SLC9B1: variants seen among roughly 807,000 people sequenced by gnomAD.
The protein encoded by SLC9B1 is solute carrier family 9 member B1.
A neutral mutation model predicts 51.7 loss-of-function variants in SLC9B1; 32 were observed. The observed-to-expected ratio is 0.62, with a 90% confidence interval of 0.47 to 0.83. The LOEUF (loss-of-function observed/expected upper bound fraction) is 0.83, where lower values mean the gene tolerates loss of function less well. SLC9B1 is among the 40% of genes least tolerant of loss of function. The pLI, the probability that SLC9B1 is intolerant of heterozygous loss-of-function variation, is 0.00. For missense variants in SLC9B1, 406 were observed against 613.2 expected, an observed-to-expected ratio of 0.66 and a Z score of 3.57; for synonymous variants, 145 against 212.7, an observed-to-expected ratio of 0.68 and a Z score of 2.77.
chr4:102,975,297 C>T (rs1418644421), intron 3 of SLC9B1, among the ~76,000 whole-genome samples: 3 of 152,184 alleles, frequency 2.0e-5, no homozygotes, highest in South Asian at 2.1e-4. Flanking sequence ...GCATCAGCCA[C>T]GGCACCTGGC....
intron 1 of SLC9B1, among the ~76,000 whole-genome samples, chr4:103,010,485 T>G (rs191856845): frequency 6.6e-6 from 1 of 152,188 alleles, no homozygotes; most frequent in East Asian, 1.9e-4. Flanking sequence ...ATTCAAACCA[T>G]AGTAGTGTCT....
chr4:102,906,720 C>CA, intron 9 of SLC9B1, 76 bp from the exon 10 acceptor site: 1 of 456,674 alleles, frequency 2.2e-6, no homozygotes, highest in Non-Finnish European at 3.4e-6. Context: ...CTTCCCCCCC[C>CA]TTTTTTTTTT....
intron 7 of SLC9B1, among the ~76,000 whole-genome samples, chr4:102,916,859 G>A (rs1735600482): frequency 6.6e-6 from 1 of 152,206 alleles, no homozygotes; most frequent in African/African-American, 2.4e-5. Flanking sequence ...AATATTAATT[G>A]TCAATTTGAT....
chr4:102,929,233 C>T (rs1181471987), intron 7 of SLC9B1, among the ~76,000 whole-genome samples: 1 of 152,182 alleles, frequency 6.6e-6, no homozygotes, highest in African/African-American at 2.4e-5. Flanking sequence ...TGAGAACATG[C>T]ACCATTTGAT....
Position 102,933,928 on chromosome 4 carries a change from G to A in SLC9B1, c.654-1629C>T, listed in dbSNP as rs183451885. 2.0e-4 allele frequency among the ~76,000 whole-genome samples: 31 copies of A among 152,228 alleles called. No homozygotes were observed. In the East Asian group the frequency reaches 5.4e-3, roughly 26 times the overall value. On this transcript the variant is annotated intron_variant, in intron 6 of 11. Coordinates refer to ENST00000296422, the MANE Select transcript of SLC9B1 (RefSeq NM_139173.4). ...CAATTTTACCATCGCCCAACACCAC[G>A]TCTGGCTAGTTTTTGTGTTTTTAGT...
At chr4:102,888,379 A>T (rs1156443343) in intron 11 of SLC9B1, 1 of 152,204 alleles carries the variant, frequency 6.6e-6, no homozygotes, top group Admixed American at 6.5e-5. Flanking sequence ...CATATGTAGA[A>T]AAGTTGGCCC....
chr4:102,917,901 A>C (rs1180474804), intron 7 of SLC9B1, among the ~76,000 whole-genome samples: 3 of 151,712 alleles, frequency 2.0e-5, no homozygotes, highest in Non-Finnish European at 2.9e-5. Flanking sequence ...GAAACCTGTC[A>C]CTACTAAAAA....
intron 9 of SLC9B1, among the ~76,000 whole-genome samples, chr4:102,908,443 C>T (rs1202706521): frequency 6.6e-6 from 1 of 152,262 alleles, no homozygotes; most frequent in Non-Finnish European, 1.5e-5. Flanking sequence ...TATCTCTGTT[C>T]AGTTAACTTA....
At chr4:102,972,192 A>C (rs1277716189) in intron 3 of SLC9B1, among the ~76,000 whole-genome samples, 2 of 152,146 alleles carry the variant, frequency 1.3e-5, no homozygotes, top group Non-Finnish European at 2.9e-5. Flanking sequence ...CAACAAAAAA[A>C]AGAATTTTAG....
intron 6 of SLC9B1, among the ~76,000 whole-genome samples, chr4:102,944,611 A>G (rs535870275): frequency 0.015 from 2,220 of 152,364 alleles, 14 homozygotes; most frequent in Non-Finnish European, 0.023. Context: ...TGGAATGGAT[A>G]AGCAGAGACA....
intron 11 of SLC9B1, among the ~76,000 whole-genome samples, chr4:102,904,298 G>A (rs565509111): frequency 2.1e-4 from 32 of 152,026 alleles, no homozygotes; most frequent in South Asian, 1.2e-3. Context: ...GAGCTCAAGT[G>A]ATCTGCCTGC....
chr4:102,919,907 C>G (rs958434835), intron 7 of SLC9B1, among the ~76,000 whole-genome samples: 5 of 152,210 alleles, frequency 3.3e-5, no homozygotes, highest in African/African-American at 9.6e-5. Flanking sequence ...GGCTGGGAAG[C>G]TTGAACTGGG....
chr4:102,984,686 A>G (rs1233948571), intron 3 of SLC9B1, among the ~76,000 whole-genome samples: 39 of 152,194 alleles, frequency 2.6e-4, no homozygotes, highest in Admixed American at 2.6e-3. Context: ...GAAGTAGTCT[A>G]TAAATGTCAA....
intron 6 of SLC9B1, among the ~76,000 whole-genome samples, chr4:102,937,701 C>G (rs113661609): frequency 8.7e-6 from 1 of 114,324 alleles, no homozygotes; most frequent in African/African-American, 3.5e-5. Flanking sequence ...TCCAGCCTGG[C>G]GACAGAGCAA....
chr4:102,893,006 C>T (rs528653129), intron 11 of SLC9B1, among the ~76,000 whole-genome samples: 30 of 152,034 alleles, frequency 2.0e-4, no homozygotes, highest in Admixed American at 9.8e-4. Flanking sequence ...GGGCCAGGTG[C>T]GGTGGCTCAC....
chr4:102,901,034 C>T lies in SLC9B1; in HGVS notation c.*83G>A. On this transcript the variant is annotated 3_prime_UTR_variant, in exon 12 of 12. Coordinates refer to ENST00000296422, the MANE Select transcript of SLC9B1 (RefSeq NM_139173.4). ...TAAATCCTGGATTCTCTGTACAGTC[C>T]CCACATATTTCTACTTTAAAATTCT... is the stretch of plus-strand genomic sequence containing the variant. 1 of 1,584,588 alleles carries T rather than the reference C, an allele frequency of 6.3e-7. No homozygotes were observed. The highest frequency in any genetic ancestry group is 8.6e-7 in the Non-Finnish European group (1 of 1,168,790).
intron 11 of SLC9B1, chr4:102,889,353 A>G (rs996305005): frequency 6.6e-6 from 1 of 152,258 alleles, no homozygotes; most frequent in Non-Finnish European, 1.5e-5. Context: ...GACTTTGGAA[A>G]AAATCCACCT....
chr4:103,003,158 A>G (rs1184660949), intron 1 of SLC9B1, among the ~76,000 whole-genome samples: 7 of 152,160 alleles, frequency 4.6e-5, no homozygotes, highest in Non-Finnish European at 1.0e-4. Flanking sequence ...ACACACTTGG[A>G]TAATTCATCT....
At chr4:102,886,357 G>A (rs1257199872) in intron 11 of SLC9B1, among the ~76,000 whole-genome samples, 1 of 151,960 alleles carries the variant, frequency 6.6e-6, no homozygotes, top group Non-Finnish European at 1.5e-5. Flanking sequence ...CAGGCGTGGT[G>A]GCATGCACCT....
Sources: gnomAD v4.1 joint callset for allele counts (sites outside exome capture counted in the v4.1 genomes callset) on GRCh38, gnomAD v4.1.1 for gene constraint, MANE v1.5 for transcripts, NCBI Gene and HGNC (gene_info 2026-07-23, HGNC 2026-07-21) for gene names.